The following RBFOX1 variants were observed in gnomAD, a reference collection of about 807,000 sequenced individuals.
RBFOX1 encodes RNA binding fox-1 homolog 1, also known as RNA binding protein fox-1 homolog 1.
RBFOX1 carries 8 observed loss-of-function variants against 57.7 expected under a neutral mutation model. The observed-to-expected ratio is 0.14, with a 90% CI of 0.08 to 0.25. The LOEUF (loss-of-function observed/expected upper bound fraction) is 0.25, where lower values mean the gene tolerates loss of function less well. RBFOX1 is among the 10% of genes least tolerant of loss of function. RBFOX1 has a pLI of 1.00. For synonymous variants in RBFOX1, 326 were observed against 222.4 expected (o/e 1.47, Z -4.15); for missense variants, 611 against 548.5 (o/e 1.11, Z -1.14).
chr16:7,011,701 G>A (rs1282934080), intron 3 of RBFOX1, among the ~76,000 whole-genome samples: 1 of 152,134 alleles, frequency 6.6e-6, no homozygotes, highest in Non-Finnish European at 1.5e-5. Flanking sequence ...TTTTAGTAGA[G>A]ATGGGAGTTT....
intron 3 of RBFOX1, among the ~76,000 whole-genome samples, chr16:6,923,407 C>CT (rs1344362016): frequency 2.0e-5 from 3 of 152,122 alleles, no homozygotes; most frequent in Non-Finnish European, 4.4e-5. Flanking sequence ...GTGGGGAACA[C>CT]TTGTAATTCC....
intron 3 of RBFOX1, among the ~76,000 whole-genome samples, chr16:6,724,159 C>T (rs550687392): frequency 1.2e-4 from 18 of 151,836 alleles, no homozygotes; most frequent in Non-Finnish European, 2.2e-4. Context: ...GCTTTACAGA[C>T]CTCCTTGCCT....
At chr16:7,536,135 T>C (rs982378295) in intron 5 of RBFOX1, among the ~76,000 whole-genome samples, 1 of 152,212 alleles carries the variant, frequency 6.6e-6, no homozygotes, top group Non-Finnish European at 1.5e-5. Flanking sequence ...CTGCAATTGG[T>C]TGAATCTGTG....
chr16:6,887,699 G>C (rs1014189729), intron 3 of RBFOX1, among the ~76,000 whole-genome samples: 1 of 149,324 alleles, frequency 6.7e-6, no homozygotes, highest in Non-Finnish European at 1.5e-5. Context: ...GTCTCACTCT[G>C]TCACCCAGGT....
chr16:6,007,217 G>C (rs747414628), intron 4 of RBFOX1, among the ~76,000 whole-genome samples: 8 of 152,304 alleles, frequency 5.3e-5, no homozygotes, highest in Non-Finnish European at 1.0e-4. Context: ...AAGTGGAATA[G>C]GACAGAAATG....
At chr16:5,310,048 T>A (rs972904678) in intron 1 of RBFOX1, among the ~76,000 whole-genome samples, 2 of 152,196 alleles carry the variant, frequency 1.3e-5, no homozygotes, top group African/African-American at 4.8e-5. Flanking sequence ...TATTTTTCTC[T>A]TAGGATTCAG....
At chr16:6,833,405 G>A (rs2092853650) in intron 3 of RBFOX1, among the ~76,000 whole-genome samples, 1 of 152,070 alleles carries the variant, frequency 6.6e-6, no homozygotes, top group South Asian at 2.1e-4. Flanking sequence ...GACCTCAGGT[G>A]ATCAACCTGC....
chr16:7,491,442 G>A (rs1021554056), intron 4 of RBFOX1, among the ~76,000 whole-genome samples: 3 of 151,282 alleles, frequency 2.0e-5, no homozygotes, highest in African/African-American at 7.3e-5. Flanking sequence ...GGGAAGGCAG[G>A]ACTAGACACA....
At chr16:5,869,146 A>G (rs1436198252) in intron 4 of RBFOX1, among the ~76,000 whole-genome samples, 1 of 152,034 alleles carries the variant, frequency 6.6e-6, no homozygotes, top group Admixed American at 6.6e-5. Flanking sequence ...ACCCACCCAG[A>G]TTATGGCCTG....
chr16:6,474,327 G>A (rs1464589926), intron 2 of RBFOX1, among the ~76,000 whole-genome samples: 2 of 152,124 alleles, frequency 1.3e-5, no homozygotes, highest in African/African-American at 4.8e-5. Flanking sequence ...ATCATATCCC[G>A]TGGTCCAAAG....
rs182845068 is a variant in RBFOX1 at position 7,645,983 on chromosome 16, T to C, written c.758-7832T>C. Among the ~76,000 whole-genome samples the C allele has an allele frequency of 7.4e-3, 1,115 of 151,300 alleles. 14 individuals are homozygous for C. Among genetic ancestry groups the C allele is most frequent in the African/African-American group, 0.026 (1,082 of 41,298 alleles). On this transcript the variant is annotated intron_variant, in intron 11 of 15. Transcript: ENST00000550418. ...TTTTTTTTCTGCGAAACTCTGAAAT[T>C]ACTGGATTTTTTTAAAAAAAGAAAA...
At chr16:7,368,990 C>G (rs1373837959) in intron 4 of RBFOX1, among the ~76,000 whole-genome samples, 8 of 151,906 alleles carry the variant, frequency 5.3e-5, no homozygotes, top group African/African-American at 1.9e-4. Context: ...TGCAGCTGAG[C>G]AAGAAGTGCT....
chr16:5,663,800 T>A (rs2049740574), intron 3 of RBFOX1, among the ~76,000 whole-genome samples: 1 of 152,238 alleles, frequency 6.6e-6, no homozygotes. Flanking sequence ...CCCAGCCTCT[T>A]GTGCTTCACA....
chr16:6,430,321 C>T (rs540120262), intron 2 of RBFOX1, among the ~76,000 whole-genome samples: 7 of 151,998 alleles, frequency 4.6e-5, no homozygotes, highest in Middle Eastern at 3.4e-3. Context: ...TGGATGTGGC[C>T]GGGGAATGAC....
intron 3 of RBFOX1, among the ~76,000 whole-genome samples, chr16:6,979,893 C>G (rs2050385250): frequency 1.3e-5 from 2 of 152,034 alleles, no homozygotes; most frequent in South Asian, 4.2e-4. Flanking sequence ...TAGGTGTGGC[C>G]ACAGGACAAG....
intron 2 of RBFOX1, among the ~76,000 whole-genome samples, chr16:6,551,249 T>C (rs970655047): frequency 6.6e-6 from 1 of 152,212 alleles, no homozygotes; most frequent in African/African-American, 2.4e-5. Context: ...GTTGGACACA[T>C]GTAATGAGTA....
intron 2 of RBFOX1, among the ~76,000 whole-genome samples, chr16:6,527,310 A>G (rs965919093): frequency 3.9e-5 from 6 of 151,962 alleles, no homozygotes; most frequent in African/African-American, 1.5e-4. Flanking sequence ...TCTTAGGTAT[A>G]TACTAAGAGG....
chr16:5,262,128 G>A (rs1181134443), intron 1 of RBFOX1, among the ~76,000 whole-genome samples: 2 of 152,174 alleles, frequency 1.3e-5, no homozygotes, highest in Non-Finnish European at 2.9e-5. Flanking sequence ...GGGTTAGCAG[G>A]GAAGGCTTAG....
At chr16:5,304,037 T>C (rs1279374555) in intron 1 of RBFOX1, among the ~76,000 whole-genome samples, 1 of 152,242 alleles carries the variant, frequency 6.6e-6, no homozygotes, top group African/African-American at 2.4e-5. Context: ...ACTTAATTTT[T>C]CATTTCCATT....
Sources: gnomAD v4.1 joint callset for allele counts (sites outside exome capture counted in the v4.1 genomes callset) on GRCh38, gnomAD v4.1.1 for gene constraint, MANE v1.5 for transcripts, NCBI Gene and HGNC (gene_info 2026-07-23, HGNC 2026-07-21) for gene names.